The following RPL23 variants were observed in gnomAD, a reference collection of about 807,000 sequenced individuals.
RPL23 encodes large ribosomal subunit protein uL14.
For synonymous variants in RPL23, 63 were observed against 65.3 expected, an observed-to-expected ratio of 0.97 and a Z score of 0.17; for missense variants, 79 against 178.8, an observed-to-expected ratio of 0.44 and a Z score of 3.18.
At chr17:38,850,730 T>A in intron 3 of RPL23, 1 of 401,556 alleles carries the variant, frequency 2.5e-6, no homozygotes, top group East Asian at 4.8e-5. Context: ...CCTCCCAAAG[T>A]GCTGGGAGTA....
rs1317473595 is a variant in RPL23, at chr17:38,848,464, C to CTCAGA, written c.*1663_*1667dup. 6.5e-6 allele frequency: 1 copy of CTCAGA among 154,166 alleles called. No individual in the cohort carries two copies. Among genetic ancestry groups the CTCAGA allele is most frequent in the African/African-American group, 2.4e-5 (1 of 41,468 alleles). The allele number at this position is 154,166 out of a possible 1,614,324, so 9.5% of individuals were successfully genotyped here. On this transcript the variant is annotated 3_prime_UTR_variant, in exon 5 of 5. Transcript: ENST00000479035. The stretch of plus-strand genomic sequence containing the variant: ...GACAGGCTGGTCTCACTCTCCTGAC[C>CTCAGA]TCAGATGATCCACCCACCTCAGCCT...
In RPL23 at chr17:38,848,043, T is replaced by G; in HGVS notation, c.*2089A>C. On this transcript the variant is annotated 3_prime_UTR_variant, in exon 5 of 5. Transcript: ENST00000479035. ...AGTGGTGTTACTGCACTCCAGCCTG[T>G]GTGACAGAGCAAGACTGCCTCAGAA... 4 of 1,546,670 alleles carry G rather than the reference T, an allele frequency of 2.6e-6. No individual in the cohort carries two copies. The highest frequency in any genetic ancestry group is 3.5e-6 in the Non-Finnish European group (4 of 1,145,796).
At chr17:38,852,830 A>C (rs747872009) in intron 2 of RPL23, 98 bp from the exon 3 acceptor site, 6 of 1,556,486 alleles carry the variant, frequency 3.9e-6, no homozygotes, top group Non-Finnish European at 4.4e-6. Context: ...CCCTCCCTCC[A>C]CTCACTGCCC....
chr17:38,853,203 G>GT, intron 1 of RPL23, 98 bp from the exon 2 acceptor site: 1 of 899,508 alleles, frequency 1.1e-6, no homozygotes, highest in Non-Finnish European at 1.8e-6. Context: ...CACCGCACAT[G>GT]CTTTGATAGA....
Position 38,850,135 on chromosome 17 carries a change from T to A in RPL23, c.420A>T (p.Ala140=), listed in dbSNP as rs568412982. ...PRIASNAGSI[A] The stretch of plus-strand genomic sequence containing the variant: ...TTTTTACAAATATACTGGAGAATCA[T>A]GCAATGCTGCCAGCATTGGATGCAA... The change falls in exon 5 of 5, where the codon GCA becomes GCT. Residue 140 remains alanine (A), a synonymous_variant. Transcript: ENST00000479035. 7 of 1,592,246 alleles carry A rather than the reference T, an allele frequency of 4.4e-6. No homozygotes were observed. Among genetic ancestry groups the A allele is most frequent in the Non-Finnish European group, 6.0e-6 (7 of 1,171,452 alleles).
Position 38,847,938 on chromosome 17 carries a change from C to T in RPL23, c.*2194G>A. On this transcript the variant is annotated 3_prime_UTR_variant, in exon 5 of 5. Coordinates refer to ENST00000479035, the MANE Select transcript of RPL23 (RefSeq NM_000978.4). ...TAAAATGTGAGGTGGGATGCAGTGG[C>T]TCACACTTGTAATTGCAGCCCTTTG... The T allele has an allele frequency of 2.6e-6, 4 of 1,541,822 alleles. No homozygotes were observed. Among genetic ancestry groups the T allele is most frequent in the East Asian group, 2.5e-5 (1 of 40,626 alleles).
intron 2 of RPL23, 23 bp from the exon 3 acceptor site, chr17:38,852,755 A>G (rs765695275): frequency 1.9e-6 from 3 of 1,613,946 alleles, no homozygotes; most frequent in South Asian, 2.2e-5. Context: ...GTAAATAAAA[A>G]TAAAAAATGT....
Position 38,850,008 on chromosome 17 carries a change from C to T in RPL23, c.*124G>A. ...CGGCAGGTGCCTGTAATCCCAGCTA[C>T]TTAGGAGGCTGAGGCAGGAGAATCG... On this transcript the variant is annotated 3_prime_UTR_variant, in exon 5 of 5. Coordinates refer to ENST00000479035, the MANE Select transcript of RPL23 (RefSeq NM_000978.4). 1.5e-6 allele frequency: 1 copy of T among 674,780 alleles called. No homozygotes were observed. The highest frequency in any genetic ancestry group is 2.4e-6 in the Non-Finnish European group (1 of 411,874). 41.8% of individuals were successfully genotyped at this position (674,780 alleles called of 1,614,324 possible).
rs745351161 is a variant in RPL23, at chr17:38,852,953, T to G, written c.97+69A>C. The stretch of plus-strand genomic sequence containing the variant: ...ACTCTCCCCTTTCTTGACGGCTCAA[T>G]AGGTCATTAGCCACAGGCCCATTGA... On this transcript the variant is annotated intron_variant, in intron 2 of 4. Coordinates refer to ENST00000479035, the MANE Select transcript of RPL23 (RefSeq NM_000978.4). 2.7e-6 allele frequency: 4 copies of G among 1,461,862 alleles called. No individual in the cohort carries two copies. The South Asian group carries it at 4.6e-5, about 17-fold the overall frequency. The allele number at this position is 1,461,862 out of a possible 1,614,324, so 90.6% of individuals were successfully genotyped here.
rs1260875168 is a variant in RPL23 at position 38,850,207 on chromosome 17, G to A, written c.348C>T (p.Ala116=). The part of the protein sequence containing the change: ...VNNKGEMKGS[A]ITGPVAKECA... ...ACTCCTTTGCTACTGGTCCTGTAAT[G>A]GCAGAACCTGCATTAAAAAAATAAA... is the stretch of plus-strand genomic sequence containing the variant. Residue 116 remains alanine (A), a synonymous_variant, in exon 5 of 5, where the codon GCC becomes GCT. Coordinates refer to ENST00000479035, the MANE Select transcript of RPL23 (RefSeq NM_000978.4). The A allele has an allele frequency of 1.3e-6, 2 of 1,597,022 alleles. No individual in the cohort carries two copies. Among genetic ancestry groups the A allele is most frequent in the South Asian group, 2.3e-5 (2 of 87,306 alleles).
intron 3 of RPL23, chr17:38,852,175 T>C (rs902186046): frequency 1.5e-4 from 27 of 179,082 alleles, no homozygotes; most frequent in Admixed American, 1.7e-4. Context: ...TGAACAGATA[T>C]GTGCCACTGC....
chr17:38,853,408 G>C (rs1598093850), intron 1 of RPL23: 3 of 711,926 alleles, frequency 4.2e-6, no homozygotes, highest in Middle Eastern at 4.6e-4. Context: ...CAGAGGTCGC[G>C]CAAACCAGGG....
At chr17:38,852,513 C>T in intron 3 of RPL23, 91 bp downstream of exon 3, 1 of 1,523,200 alleles carries the variant, frequency 6.6e-7, no homozygotes, top group South Asian at 1.2e-5. Flanking sequence ...GGAAAACAAA[C>T]TTGAGGCCTT....
intron 3 of RPL23, 87 bp from the exon 4 acceptor site, chr17:38,850,562 A>G: frequency 1.2e-6 from 1 of 841,806 alleles, no homozygotes; most frequent in Non-Finnish European, 2.0e-6. Context: ...CAGAATGTAC[A>G]CTCAGCGTTT....
chr17:38,850,214 C>A lies in RPL23; in HGVS notation c.341G>T (p.Gly114Val). ...TGCTACTGGTCCTGTAATGGCAGAA[C>A]CTGCATTAAAAAAATAAAATAAAAT... ...VIVNNKGEMK[G>V]SAITGPVAKE... The change falls in exon 5 of 5, where the codon GGT (glycine) becomes GTT (valine). Residue 114 changes from glycine (G) to valine (V), a missense_variant and splice_region_variant. Transcript: ENST00000479035. The A allele has an allele frequency of 6.3e-7, 1 of 1,591,532 alleles. No homozygotes were observed. Among genetic ancestry groups the A allele is most frequent in the South Asian group, 1.2e-5 (1 of 86,336 alleles).
In RPL23 at chr17:38,853,711, C is replaced by T. The variant is rs1271815171; in HGVS notation, c.-1G>A. 1 of 1,614,146 alleles carries T rather than the reference C, an allele frequency of 6.2e-7. No homozygotes were observed. The highest frequency in any genetic ancestry group is 8.5e-7 in the Non-Finnish European group (1 of 1,180,046). On this transcript the variant is annotated 5_prime_UTR_variant, in exon 1 of 5. Coordinates refer to ENST00000479035, the MANE Select transcript of RPL23 (RefSeq NM_000978.4). ...ACAAAACCTCACCTCGCTTCGACAT[C>T]TTGAACGCCGGAAAAAAGAAAAAAG...
chr17:38,850,079 A>T lies in RPL23; in HGVS notation c.*53T>A. On this transcript the variant is annotated 3_prime_UTR_variant, in exon 5 of 5. Coordinates refer to ENST00000479035, the MANE Select transcript of RPL23 (RefSeq NM_000978.4). ...AGGGAGACAAGCACTGCAAACAAAT[A>T]CTTTTTAATGGGTTTAGTTTTTTTT... The T allele has an allele frequency of 7.3e-7, 1 of 1,375,530 alleles. No homozygotes were observed. Among genetic ancestry groups the T allele is most frequent in the Non-Finnish European group, 1.0e-6 (1 of 999,512 alleles). The allele number at this position is 1,375,530 out of a possible 1,614,324, so 85.2% of individuals were successfully genotyped here.
At position 38,853,720 on chromosome 17, in the gene RPL23, C is replaced by CGGAAAAA. The variant is rs1173462907; in HGVS notation, c.-11_-10insTTTTTCC. ...CACCTCGCTTCGACATCTTGAACGC[C>CGGAAAAA]GGAAAAAAGAAAAAAGGAAGTCGAT... On this transcript the variant is annotated 5_prime_UTR_variant, in exon 1 of 5. Transcript: ENST00000479035. 3 of 1,613,576 alleles carry CGGAAAAA rather than the reference C, an allele frequency of 1.9e-6. No individual in the cohort carries two copies. The East Asian group carries it at 6.7e-5, about 36-fold the overall frequency.
intron 1 of RPL23, 38 bp downstream of exon 1, chr17:38,853,660 G>A (rs1274830077): frequency 1.2e-6 from 2 of 1,613,858 alleles, no homozygotes; most frequent in Non-Finnish European, 1.7e-6. Context: ...GCCACTGCAC[G>A]ACAGATGGTG....
Sources: allele counts gnomAD v4.1 joint callset, GRCh38; gene constraint gnomAD v4.1.1; transcripts MANE v1.5; gene names NCBI Gene and HGNC (gene_info 2026-07-23, HGNC 2026-07-21).